RANBP2: variants seen among roughly 807,000 people sequenced by gnomAD.
RANBP2 encodes the protein RAN binding protein 2.
A neutral mutation model predicts 303.6 loss-of-function variants in RANBP2; 57 were observed. The observed-to-expected ratio is 0.19, with a 90% confidence interval of 0.15 to 0.23. The LOEUF (loss-of-function observed/expected upper bound fraction) is 0.23. Ranked by LOEUF, RANBP2 falls within the 10% of genes least tolerant of loss-of-function variation. RANBP2 has a pLI of 1.00. For synonymous variants in RANBP2, 1,167 were observed against 1,301.5 expected, an observed-to-expected ratio of 0.90 and a Z score of 2.23; for missense variants, 3,138 against 3,780.8, an observed-to-expected ratio of 0.83 and a Z score of 4.46.
At chr2:109,443,314 A>T in the RANBP2 span, among the ~76,000 whole-genome samples, 1 of 152,244 alleles carries the variant, frequency 6.6e-6, no homozygotes, top group East Asian at 1.9e-4. Context: ...CCTCAGAGCC[A>T]AAACTTTCTG....
chr2:108,857,742 T>C, the RANBP2 span, among the ~76,000 whole-genome samples: 2 of 152,318 alleles, frequency 1.3e-5, no homozygotes, highest in South Asian at 4.1e-4. Flanking sequence ...AAGTGAAAAG[T>C]TAGTGAACTG....
the RANBP2 span, among the ~76,000 whole-genome samples, chr2:108,942,524 G>C: frequency 1.3e-5 from 2 of 152,242 alleles, no homozygotes; most frequent in Non-Finnish European, 2.9e-5. Context: ...GAACCACGGC[G>C]ACGGCAGGGG....
the RANBP2 span, among the ~76,000 whole-genome samples, chr2:108,983,130 T>C: frequency 6.6e-6 from 1 of 152,212 alleles, no homozygotes; most frequent in Non-Finnish European, 1.5e-5. Flanking sequence ...TGCCCTCCCT[T>C]GGCCACGCTT....
the RANBP2 span, among the ~76,000 whole-genome samples, chr2:109,443,578 A>G: frequency 6.6e-6 from 1 of 152,234 alleles, no homozygotes; most frequent in African/African-American, 2.4e-5. Flanking sequence ...ATATGATGCT[A>G]ATATTAATCA....
the RANBP2 span, among the ~76,000 whole-genome samples, chr2:109,288,367 C>T: frequency 6.6e-6 from 1 of 152,188 alleles, no homozygotes; most frequent in East Asian, 1.9e-4. Context: ...CAGGAACACT[C>T]AGAGGTATTC....
the RANBP2 span, among the ~76,000 whole-genome samples, chr2:109,529,729 G>A: frequency 4.6e-5 from 7 of 152,224 alleles, no homozygotes; most frequent in African/African-American, 9.6e-5. Flanking sequence ...GACAGACCCT[G>A]AAGGTCATAA....
chr2:108,833,754 G>A, the RANBP2 span, among the ~76,000 whole-genome samples: 5 of 138,710 alleles, frequency 3.6e-5, no homozygotes, highest in Non-Finnish European at 7.6e-5. Context: ...TTGAGACGGA[G>A]TCTTGCTTTG....
At chr2:109,118,819 G>C in the RANBP2 span, among the ~76,000 whole-genome samples, 1 of 152,138 alleles carries the variant, frequency 6.6e-6, no homozygotes, top group East Asian at 1.9e-4. Context: ...CACATGCCTG[G>C]TATGTGGAAG....
At chr2:109,435,093 G>C in the RANBP2 span, among the ~76,000 whole-genome samples, 1 of 152,148 alleles carries the variant, frequency 6.6e-6, no homozygotes, top group Non-Finnish European at 1.5e-5. Flanking sequence ...TTAAGGAAAA[G>C]CCACTCCAAA....
At chr2:109,442,890 C>T in the RANBP2 span, among the ~76,000 whole-genome samples, 1 of 152,162 alleles carries the variant, frequency 6.6e-6, no homozygotes, top group African/African-American at 2.4e-5. Flanking sequence ...GCCTAAATAA[C>T]CCTAAATATA....
chr2:109,404,265 G>A, the RANBP2 span, among the ~76,000 whole-genome samples: 1 of 152,204 alleles, frequency 6.6e-6, no homozygotes, highest in African/African-American at 2.4e-5. Flanking sequence ...AGGGCTTTAG[G>A]CTGAGGCTTT....
At chr2:108,958,180 T>C in the RANBP2 span, among the ~76,000 whole-genome samples, 2 of 152,260 alleles carry the variant, frequency 1.3e-5, no homozygotes, top group East Asian at 1.9e-4. Context: ...AGGGCCTTTA[T>C]ACAAAGAAGT....
At chr2:109,737,878 G>A in the RANBP2 span, among the ~76,000 whole-genome samples, 1 of 152,132 alleles carries the variant, frequency 6.6e-6, no homozygotes, top group Non-Finnish European at 1.5e-5. Flanking sequence ...TAGATCTTTT[G>A]AGAAATGTCT....
chr2:109,261,553 CACAA>C, the RANBP2 span, among the ~76,000 whole-genome samples: 1 of 152,132 alleles, frequency 6.6e-6, no homozygotes, highest in Non-Finnish European at 1.5e-5. Flanking sequence ...CAGGGACAAA[CACAA>C]ACAAGTGCAT....
At chr2:109,335,525 C>T in the RANBP2 span, among the ~76,000 whole-genome samples, 6 of 152,186 alleles carry the variant, frequency 3.9e-5, no homozygotes, top group African/African-American at 1.2e-4. Context: ...TCGATGATGA[C>T]GTTCTAAGAT....
chr2:109,152,177 T>C, the RANBP2 span, among the ~76,000 whole-genome samples: 5 of 152,230 alleles, frequency 3.3e-5, no homozygotes, highest in African/African-American at 9.6e-5. Context: ...GGAAAAGTGC[T>C]CAGCGTCTTA....
At chr2:109,599,458 CAAAAAAAAAA>C in the RANBP2 span, among the ~76,000 whole-genome samples, 2 of 63,332 alleles carry the variant, frequency 3.2e-5, no homozygotes, top group South Asian at 1.1e-3. Context: ...ACTCAGTCTC[CAAAAAAAAAA>C]AAAAAAAAAG....
downstream of RANBP2, chr2:108,786,710 C>A (rs563220278): frequency 9.0e-6 from 9 of 1,004,802 alleles, no homozygotes; most frequent in South Asian, 1.1e-4. Flanking sequence ...TCCCTGCCGC[C>A]GTGCGTGCCT....
chr2:109,232,620 T>C, the RANBP2 span, among the ~76,000 whole-genome samples: 1 of 152,164 alleles, frequency 6.6e-6, no homozygotes, highest in African/African-American at 2.4e-5. Context: ...TTCTACCCTG[T>C]CCATCCCTTC....
Sources: allele counts gnomAD v4.1 joint callset (sites outside exome capture counted in the v4.1 genomes callset), GRCh38; gene constraint gnomAD v4.1.1; transcripts MANE v1.5; gene names NCBI Gene and HGNC (gene_info 2026-07-23, HGNC 2026-07-21).